The following SATB2 variants were observed in gnomAD, a reference collection of about 807,000 sequenced individuals.
The protein encoded by SATB2 is SATB homeobox 2.
In SATB2, 1 loss-of-function variant was observed where a neutral mutation model predicts 73.4. The ratio of observed to expected loss-of-function variants is 0.01; its 90% CI spans 0.00 to 0.06. The LOEUF (loss-of-function observed/expected upper bound fraction) is 0.06, where lower values mean the gene tolerates loss of function less well. SATB2 is among the 10% of genes least tolerant of loss of function. The pLI is 1.00. For synonymous variants in SATB2, 397 were observed against 367.0 expected (o/e 1.08, Z -0.93); for missense variants, 459 against 945.8 (o/e 0.49, Z 6.75).
At chr2:199,354,865 C>T (rs1290054880) in intron 6 of SATB2, among the ~76,000 whole-genome samples, 1 of 152,060 alleles carries the variant, frequency 6.6e-6, no homozygotes, top group Non-Finnish European at 1.5e-5. Context: ...TCAGTAACTC[C>T]TAAAACCTCA....
At chr2:199,399,120 A>G (rs1347484382) in intron 3 of SATB2, among the ~76,000 whole-genome samples, 1 of 151,982 alleles carries the variant, frequency 6.6e-6, no homozygotes. Context: ...AAAAATATAA[A>G]CACTAGCCAG....
chr2:199,301,009 C>T (rs772551134), intron 10 of SATB2, among the ~76,000 whole-genome samples: 2 of 151,778 alleles, frequency 1.3e-5, no homozygotes, highest in Non-Finnish European at 2.9e-5. Context: ...AAGCTAACTT[C>T]AGTAATTAAA....
intron 3 of SATB2, among the ~76,000 whole-genome samples, chr2:199,428,356 A>C (rs1274789469): frequency 5.3e-5 from 8 of 152,352 alleles, no homozygotes; most frequent in African/African-American, 1.7e-4. Flanking sequence ...ATATATAAAC[A>C]TCATTATCAA....
chr2:199,309,141 A>T (rs1274047026), intron 9 of SATB2, among the ~76,000 whole-genome samples, 184 bp from the exon 10 acceptor site: 1 of 152,202 alleles, frequency 6.6e-6, no homozygotes, highest in African/African-American at 2.4e-5. Flanking sequence ...TGGTTATACC[A>T]ATGCCCAAGA....
intron 7 of SATB2, among the ~76,000 whole-genome samples, chr2:199,338,333 A>T (rs1688397344): frequency 6.6e-6 from 1 of 151,824 alleles, no homozygotes; most frequent in South Asian, 2.1e-4. Flanking sequence ...ATGCCACTGC[A>T]CTCCAGCCTG....
intron 7 of SATB2, among the ~76,000 whole-genome samples, chr2:199,337,429 ACTTT>A (rs1688367472): frequency 6.6e-6 from 1 of 152,158 alleles, no homozygotes; most frequent in African/African-American, 2.4e-5. Flanking sequence ...ATCATAACTA[ACTTT>A]CTATTATGAA....
At chr2:199,326,882 G>A (rs1688043271) in intron 8 of SATB2, among the ~76,000 whole-genome samples, 1 of 152,096 alleles carries the variant, frequency 6.6e-6, no homozygotes, top group African/African-American at 2.4e-5. Context: ...AGACTGAAGT[G>A]TAAGTAACAC....
intron 3 of SATB2, among the ~76,000 whole-genome samples, chr2:199,425,636 A>G (rs1992950): frequency 0.34 from 50,993 of 151,960 alleles, 9,556 homozygotes; most frequent in East Asian, 0.62. Flanking sequence ...ACCCTCTACA[A>G]ATTAACATAT....
intron 10 of SATB2, among the ~76,000 whole-genome samples, chr2:199,305,572 A>G (rs1687409519): frequency 2.0e-5 from 3 of 152,242 alleles, no homozygotes; most frequent in South Asian, 4.1e-4. Context: ...ACAATAAAAA[A>G]CTATCCATTT....
chr2:199,299,771 T>C (rs1262343707), intron 10 of SATB2, among the ~76,000 whole-genome samples: 1 of 152,130 alleles, frequency 6.6e-6, no homozygotes, highest in Admixed American at 6.6e-5. Context: ...GTCTATAACT[T>C]GAAGCCTAAC....
At chr2:199,429,928 A>T (rs1691450376) in intron 3 of SATB2, among the ~76,000 whole-genome samples, 1 of 152,206 alleles carries the variant, frequency 6.6e-6, no homozygotes, top group Admixed American at 6.5e-5. Flanking sequence ...TTAATTAATT[A>T]AATTAATCAA....
chr2:199,292,363 T>C (rs747919208), intron 10 of SATB2, among the ~76,000 whole-genome samples: 12 of 152,208 alleles, frequency 7.9e-5, no homozygotes, highest in Non-Finnish European at 1.5e-4. Context: ...CAATAACCTA[T>C]TAATACTAGA....
intron 7 of SATB2, among the ~76,000 whole-genome samples, chr2:199,343,494 A>G (rs563895305): frequency 6.6e-6 from 1 of 152,302 alleles, no homozygotes; most frequent in East Asian, 1.9e-4. Flanking sequence ...GGCATAATAT[A>G]CCATATTTTC....
intron 3 of SATB2, among the ~76,000 whole-genome samples, chr2:199,401,422 G>A (rs1690471747): frequency 6.6e-6 from 1 of 151,752 alleles, no homozygotes. Context: ...GCGTGGTGGT[G>A]CGTGCCTGTA....
chr2:199,457,613 G>T lies in SATB2; in HGVS notation c.-334C>A. 1 of 152,418 alleles carries T rather than the reference G, an allele frequency of 6.6e-6. No homozygotes were observed. The highest frequency in any genetic ancestry group is 1.9e-4 in the South Asian group (1 of 5,196). 9.4% of individuals were successfully genotyped at this position (152,418 alleles called of 1,614,324 possible). A position where few individuals can be genotyped will look rare whatever the true frequency, so the allele number is the denominator to read the frequency against. On this transcript the variant is annotated 5_prime_UTR_variant, in exon 1 of 11. Coordinates refer to ENST00000417098, the MANE Select transcript of SATB2 (RefSeq NM_001172509.2). This position sits in a 1 kb window ranked among gnomAD's most constrained non-coding sequence, Gnocchi z 4.8. ...AAAGGACTCCTCCAAAGGGACACCC[G>T]AGCGAGCGGGGGAGGGGACGGCGGA... is the stretch of plus-strand genomic sequence containing the variant.
At chr2:199,334,213 G>A (rs1478797543) in intron 7 of SATB2, among the ~76,000 whole-genome samples, 2 of 152,062 alleles carry the variant, frequency 1.3e-5, no homozygotes, top group African/African-American at 2.4e-5. Flanking sequence ...AAAATCATAC[G>A]CTGAGCACTT....
At chr2:199,368,801 T>C (rs967241399) in intron 5 of SATB2, 94 bp from the exon 6 acceptor site, 45 of 704,278 alleles carry the variant, frequency 6.4e-5, no homozygotes, top group Non-Finnish European at 9.8e-5. Flanking sequence ...AACCTCTTTT[T>C]TCTTTTAAAC....
intron 3 of SATB2, among the ~76,000 whole-genome samples, chr2:199,428,387 T>C (rs2105922359): frequency 6.6e-6 from 1 of 152,312 alleles, no homozygotes; most frequent in Non-Finnish European, 1.5e-5. Flanking sequence ...TCAGCATGTA[T>C]TTAGTAACCA....
chr2:199,318,419 A>G (rs1687794427), intron 9 of SATB2, among the ~76,000 whole-genome samples: 1 of 152,124 alleles, frequency 6.6e-6, no homozygotes. Context: ...AATTTTTTAT[A>G]TTTTGTAAAT....
Sources: gnomAD v4.1 joint callset for allele counts (sites outside exome capture counted in the v4.1 genomes callset) on GRCh38, gnomAD v4.1.1 for gene constraint, Gnocchi (gnomAD v3.1) non-coding constraint, MANE v1.5 for transcripts, NCBI Gene and HGNC (gene_info 2026-07-23, HGNC 2026-07-21) for gene names.